GLRA1: variants seen among roughly 807,000 people sequenced by gnomAD.
The protein encoded by GLRA1 is glycine receptor subunit alpha-1.
In GLRA1, 37 loss-of-function variants were observed where a neutral mutation model predicts 48.3. The ratio of observed to expected loss-of-function variants is 0.77; its 90% CI spans 0.59 to 1.01. The LOEUF (loss-of-function observed/expected upper bound fraction) is 1.01, where lower values mean the gene tolerates loss of function less well. Among genes scored for constraint, GLRA1 ranks in the 50% least tolerant of loss-of-function variants. The probability of loss-of-function intolerance (pLI) is 0.00; values close to 1 mark genes in which losing one functional copy is unlikely to be tolerated. For missense variants in GLRA1, 427 were observed against 571.0 expected (o/e 0.75, Z 2.57); for synonymous variants, 196 against 210.7 (o/e 0.93, Z 0.60).
intron 7 of GLRA1, 45 bp from the exon 8 acceptor site, chr5:151,829,112 A>G: frequency 6.3e-7 from 1 of 1,587,614 alleles, no homozygotes; most frequent in Non-Finnish European, 8.6e-7. Flanking sequence ...AAGCAGGGGA[A>G]TGTAAAACAT....
intron 8 of GLRA1, among the ~76,000 whole-genome samples, chr5:151,823,270 C>T (rs1763190107): frequency 6.6e-6 from 1 of 152,156 alleles, no homozygotes; most frequent in South Asian, 2.1e-4. Context: ...TAATTTCCTT[C>T]TGTGAGTCTC....
intron 3 of GLRA1, among the ~76,000 whole-genome samples, chr5:151,882,692 A>C (rs1753788316): frequency 6.6e-6 from 1 of 152,062 alleles, no homozygotes; most frequent in African/African-American, 2.4e-5. Flanking sequence ...CTCTCCAGAA[A>C]ATAGAGAGCC....
chr5:151,882,745 A>C lies in GLRA1; in HGVS notation c.252+3976T>G, dbSNP rs146808128. On this transcript the variant is annotated intron_variant, in intron 3 of 8. Coordinates refer to ENST00000274576, the MANE Select transcript of GLRA1 (RefSeq NM_000171.4). ...AAGTTTTTTTTTTTTTTTAGATCTGAGAGTTTTTTCCCCTATATCATCTGT... is the reference window on the plus strand; with the variant it reads ...AAGTTTTTTTTTTTTTTTAGATCTGCGAGTTTTTTCCCCTATATCATCTGT... 5.7e-3 allele frequency among the ~76,000 whole-genome samples: 865 copies of C among 151,528 alleles called. 12 individuals are homozygous for C. The highest frequency in any genetic ancestry group is 0.02 in the African/African-American group (836 of 41,308).
intron 3 of GLRA1, among the ~76,000 whole-genome samples, chr5:151,870,093 A>C (rs1358684431): frequency 6.7e-6 from 1 of 149,778 alleles, no homozygotes; most frequent in Non-Finnish European, 1.5e-5. Flanking sequence ...TTAAATATTA[A>C]ATACAATATG....
Position 151,832,818 on chromosome 5 carries a change from G to A in GLRA1, c.913-3751C>T, listed in dbSNP as rs7734068. ...AGAGAACACCACAAAGATACTCCTCGAGAAGACCAACCGCAAGACACATAA... is the reference window on the plus strand; with the variant it reads ...AGAGAACACCACAAAGATACTCCTCAAGAAGACCAACCGCAAGACACATAA... On this transcript the variant is annotated intron_variant, in intron 7 of 8. Transcript: ENST00000274576. 5.3e-3 allele frequency among the ~76,000 whole-genome samples: 801 copies of A among 152,236 alleles called. 9 individuals are homozygous for A. Among genetic ancestry groups the A allele is most frequent in the African/African-American group, 0.018 (753 of 41,516 alleles).
chr5:151,850,069 G>T (rs1020549478), intron 7 of GLRA1: 18 of 1,603,710 alleles, frequency 1.1e-5, no homozygotes, highest in African/African-American at 4.0e-5. Context: ...CCCTGGTTTG[G>T]CATGGAGCAG....
chr5:151,917,498 G>T (rs1316982926), intron 1 of GLRA1, among the ~76,000 whole-genome samples: 1 of 152,134 alleles, frequency 6.6e-6, no homozygotes, highest in Non-Finnish European at 1.5e-5. Flanking sequence ...TTTAGGACTT[G>T]ATGAGTTTAG....
chr5:151,841,651 A>T (rs1763714670), intron 7 of GLRA1, among the ~76,000 whole-genome samples: 1 of 152,230 alleles, frequency 6.6e-6, no homozygotes, highest in South Asian at 2.1e-4. Flanking sequence ...AGGCATTATC[A>T]TTGACTTTAC....
At position 151,822,533 on chromosome 5, in the gene GLRA1, A is replaced by G. The variant is rs547103101; in HGVS notation, c.*140T>C. The G allele has an allele frequency of 1.4e-6, 1 of 702,140 alleles. No individual in the cohort carries two copies. The highest frequency in any genetic ancestry group is 2.0e-5 in the Admixed American group (1 of 48,810). The allele number at this position is 702,140 out of a possible 1,614,324, so 43.5% of individuals were successfully genotyped here. A position where few individuals can be genotyped will look rare whatever the true frequency, so the allele number is the denominator to read the frequency against. ...CATTGTAAAATTCATGCATCACTGC[A>G]TTTTGCTATTGCACATATTGCAGAG... On this transcript the variant is annotated 3_prime_UTR_variant, in exon 9 of 9. Coordinates refer to ENST00000274576, the MANE Select transcript of GLRA1 (RefSeq NM_000171.4).
chr5:151,893,299 T>A (rs926847336), intron 1 of GLRA1, among the ~76,000 whole-genome samples: 215 of 130,282 alleles, frequency 1.7e-3, no homozygotes, highest in African/African-American at 6.3e-3. Flanking sequence ...TTTCTTTCTT[T>A]CTTTCTTTCT....
chr5:151,876,937 C>T (rs1302216748), intron 3 of GLRA1, among the ~76,000 whole-genome samples: 8 of 152,090 alleles, frequency 5.3e-5, no homozygotes, highest in Non-Finnish European at 8.8e-5. Context: ...CCAGATCTCT[C>T]TCTCTCTCTC....
intron 1 of GLRA1, among the ~76,000 whole-genome samples, chr5:151,896,434 A>G (rs1041700337): frequency 1.3e-5 from 2 of 152,218 alleles, no homozygotes; most frequent in Admixed American, 6.5e-5. Flanking sequence ...TAGTTATGCT[A>G]TTATTATGAT....
chr5:151,908,671 T>C (rs970747889), intron 1 of GLRA1, among the ~76,000 whole-genome samples: 1 of 152,150 alleles, frequency 6.6e-6, no homozygotes, highest in Non-Finnish European at 1.5e-5. Context: ...TTTTTTAAAT[T>C]GTTCATTTTA....
intron 7 of GLRA1, among the ~76,000 whole-genome samples, chr5:151,835,020 A>T (rs1260251201): frequency 1.5e-5 from 2 of 133,708 alleles, no homozygotes; most frequent in African/African-American, 2.9e-5. Flanking sequence ...AGAGCGAGAC[A>T]ACATCTCAAA....
intron 1 of GLRA1, among the ~76,000 whole-genome samples, chr5:151,895,939 C>T (rs1402464539): frequency 6.6e-6 from 1 of 152,094 alleles, no homozygotes; most frequent in Non-Finnish European, 1.5e-5. Context: ...CATAAGCTCC[C>T]GTACTCTCTC....
chr5:151,891,326 C>T (rs1452914224), intron 2 of GLRA1, among the ~76,000 whole-genome samples: 1 of 152,170 alleles, frequency 6.6e-6, no homozygotes, highest in Non-Finnish European at 1.5e-5. Flanking sequence ...ACACTAAGTT[C>T]CCATAGGGTT....
intron 1 of GLRA1, among the ~76,000 whole-genome samples, chr5:151,913,195 A>G (rs528338605): frequency 5.3e-4 from 81 of 152,182 alleles, no homozygotes; most frequent in Non-Finnish European, 9.6e-4. Context: ...TGAAGTTGTT[A>G]TTCTCAGTTT....
intron 8 of GLRA1, among the ~76,000 whole-genome samples, chr5:151,824,999 G>A (rs1763237215): frequency 6.6e-6 from 1 of 152,190 alleles, no homozygotes; most frequent in African/African-American, 2.4e-5. Context: ...AGCACCAGAA[G>A]GGTTTGAGAC....
At chr5:151,854,307 AC>A (rs1216708662) in intron 6 of GLRA1, among the ~76,000 whole-genome samples, 1 of 152,206 alleles carries the variant, frequency 6.6e-6, no homozygotes, top group Non-Finnish European at 1.5e-5. Flanking sequence ...ACCAGAGCCT[AC>A]GATGGTTTCT....
Sources: gnomAD v4.1 joint callset for allele counts (sites outside exome capture counted in the v4.1 genomes callset) on GRCh38, gnomAD v4.1.1 for gene constraint, MANE v1.5 for transcripts, NCBI Gene and HGNC (gene_info 2026-07-23, HGNC 2026-07-21) for gene names.